PLCB1: variants seen among roughly 807,000 people sequenced by gnomAD.
PLCB1 encodes phospholipase C beta 1.
Under a neutral mutation model 161.8 loss-of-function variants are expected in PLCB1, and 46 were observed. The ratio of observed to expected loss-of-function variants is 0.28; its 90% CI spans 0.22 to 0.36. The LOEUF (loss-of-function observed/expected upper bound fraction) is 0.36. Among genes scored for constraint, PLCB1 ranks in the 10% least tolerant of loss-of-function variants. The probability of loss-of-function intolerance (pLI) is 1.00; values close to 1 mark genes in which losing one functional copy is unlikely to be tolerated. For synonymous variants in PLCB1, 517 were observed against 503.7 expected, an observed-to-expected ratio of 1.03 and a Z score of -0.35; for missense variants, 1,016 against 1,472.5, an observed-to-expected ratio of 0.69 and a Z score of 5.07.
At chr20:8,332,509 G>T (rs536225827) in intron 2 of PLCB1, among the ~76,000 whole-genome samples, 2 of 152,310 alleles carry the variant, frequency 1.3e-5, no homozygotes, top group South Asian at 2.1e-4. Flanking sequence ...TATTTTAAGT[G>T]CTTTCCATGT....
intron 31 of PLCB1, among the ~76,000 whole-genome samples, chr20:8,819,445 G>A (rs940612194): frequency 6.6e-6 from 1 of 151,912 alleles, no homozygotes; most frequent in African/African-American, 2.4e-5. Flanking sequence ...TGTGCATTTG[G>A]GAAAAGGAAG....
At chr20:8,324,885 A>G (rs1985083607) in intron 2 of PLCB1, among the ~76,000 whole-genome samples, 1 of 152,228 alleles carries the variant, frequency 6.6e-6, no homozygotes, top group South Asian at 2.1e-4. Flanking sequence ...AGTTCTGGGT[A>G]TTTGAAAGAG....
At chr20:8,188,058 A>G (rs2051925459) in intron 2 of PLCB1, among the ~76,000 whole-genome samples, 1 of 152,078 alleles carries the variant, frequency 6.6e-6, no homozygotes, top group Non-Finnish European at 1.5e-5. Flanking sequence ...CTGGGCTCAC[A>G]TAAGCTTCAC....
Position 8,714,417 on chromosome 20 carries a change from G to A in PLCB1, c.1251-1847G>A, listed in dbSNP as rs184259167. Among the ~76,000 whole-genome samples, 3 of 152,260 alleles carry A rather than the reference G, an allele frequency of 2.0e-5. No individual in the cohort carries two copies. In the East Asian group the frequency reaches 5.8e-4, roughly 29 times the overall value. Reference sequence around the variant, plus strand: ...AGCAGCCACAGAGCAGGCTGACCTGGTAGAACCCCTGTGCAAGTTATCACT... The same window carrying A: ...AGCAGCCACAGAGCAGGCTGACCTGATAGAACCCCTGTGCAAGTTATCACT... On this transcript the variant is annotated intron_variant, in intron 12 of 31. Coordinates refer to ENST00000338037, the MANE Select transcript of PLCB1 (RefSeq NM_015192.4).
rs147362446 is a variant in PLCB1 at position 8,698,111 on chromosome 20, A to G, written c.1167+328A>G. 5.9e-3 allele frequency among the ~76,000 whole-genome samples: 892 copies of G among 152,342 alleles called. 11 individuals carry two copies. The highest frequency in any genetic ancestry group is 5.9e-3 in the Non-Finnish European group (398 of 68,020). On this transcript the variant is annotated intron_variant, in intron 11 of 31. Coordinates refer to ENST00000338037, the MANE Select transcript of PLCB1 (RefSeq NM_015192.4). ...TAAAGAATACAGACAACTTATTTCTATGCTTTAACTAATGGCTATAAAGTA... is the reference window on the plus strand; with the variant it reads ...TAAAGAATACAGACAACTTATTTCTGTGCTTTAACTAATGGCTATAAAGTA...
intron 31 of PLCB1, among the ~76,000 whole-genome samples, chr20:8,841,195 T>A (rs1056853446): frequency 4.6e-5 from 7 of 152,100 alleles, no homozygotes; most frequent in Admixed American, 4.6e-4. Context: ...TTAAAAAAAA[T>A]AAGTCATCAC....
At chr20:8,196,049 A>T (rs1405496941) in intron 2 of PLCB1, among the ~76,000 whole-genome samples, 1 of 151,998 alleles carries the variant, frequency 6.6e-6, no homozygotes, top group Non-Finnish European at 1.5e-5. Context: ...CTCCTTTTAA[A>T]ACTACAAAAT....
chr20:8,276,963 T>G, intron 2 of PLCB1, among the ~76,000 whole-genome samples: 1 of 129,240 alleles, frequency 7.7e-6, no homozygotes, highest in African/African-American at 3.1e-5. Flanking sequence ...CTTCTTCTTC[T>G]TCTTCTTCTT....
chr20:8,309,388 C>T (rs186497874), intron 2 of PLCB1, among the ~76,000 whole-genome samples: 18 of 152,176 alleles, frequency 1.2e-4, no homozygotes, highest in South Asian at 1.0e-3. Context: ...ATTCCTATGC[C>T]GCTGTAATGG....
At chr20:8,546,311 C>T (rs1313402766) in intron 3 of PLCB1, among the ~76,000 whole-genome samples, 15 of 78,154 alleles carry the variant, frequency 1.9e-4, no homozygotes, top group African/African-American at 8.9e-4. Flanking sequence ...AAGACTCTAT[C>T]TCAAAAAAAA....
At chr20:8,398,178 C>G (rs1337081538) in intron 3 of PLCB1, among the ~76,000 whole-genome samples, 2 of 152,056 alleles carry the variant, frequency 1.3e-5, no homozygotes, top group African/African-American at 4.8e-5. Flanking sequence ...ATGCATGAAA[C>G]TAAGCCTCCT....
At chr20:8,852,959 C>T (rs1986940509) in intron 31 of PLCB1, among the ~76,000 whole-genome samples, 1 of 152,124 alleles carries the variant, frequency 6.6e-6, no homozygotes, top group Admixed American at 6.6e-5. Flanking sequence ...TGTGGCAGCC[C>T]CCATATCCAT....
At chr20:8,523,935 G>A (rs112054377) in intron 3 of PLCB1, among the ~76,000 whole-genome samples, 6 of 151,928 alleles carry the variant, frequency 3.9e-5, no homozygotes, top group African/African-American at 9.7e-5. Flanking sequence ...TCAACTGGGC[G>A]GAGTTAATAC....
At chr20:8,683,889 C>CTT (rs1239872010) in intron 9 of PLCB1, among the ~76,000 whole-genome samples, 1 of 145,460 alleles carries the variant, frequency 6.9e-6, no homozygotes. Flanking sequence ...TTGAAAACAC[C>CTT]TTTTTTTTTT....
chr20:8,812,134 T>C (rs1057277231), intron 31 of PLCB1, among the ~76,000 whole-genome samples: 5 of 152,154 alleles, frequency 3.3e-5, no homozygotes, highest in African/African-American at 4.8e-5. Flanking sequence ...CCTTGCTTGC[T>C]ATATACCCAA....
At chr20:8,701,709 G>A (rs1978366157) in intron 11 of PLCB1, among the ~76,000 whole-genome samples, 1 of 152,258 alleles carries the variant, frequency 6.6e-6, no homozygotes, top group South Asian at 2.1e-4. Flanking sequence ...AGCAGAACCT[G>A]ACATATAGTA....
intron 2 of PLCB1, among the ~76,000 whole-genome samples, chr20:8,194,701 T>C (rs2052004366): frequency 6.6e-6 from 1 of 152,126 alleles, no homozygotes; most frequent in African/African-American, 2.4e-5. Flanking sequence ...ATTTTCAGTC[T>C]GACATCTGTT....
At chr20:8,488,013 A>G (rs1401407626) in intron 3 of PLCB1, among the ~76,000 whole-genome samples, 2 of 152,168 alleles carry the variant, frequency 1.3e-5, no homozygotes, top group African/African-American at 4.8e-5. Context: ...AAAGTCATTA[A>G]ATCTAGAAAG....
intron 2 of PLCB1, among the ~76,000 whole-genome samples, chr20:8,271,987 G>A (rs1482112843): frequency 4.6e-5 from 7 of 152,098 alleles, no homozygotes; most frequent in Non-Finnish European, 1.0e-4. Context: ...AGTTTGATAT[G>A]TACGTTTGTG....
Sources: gnomAD v4.1 joint callset for allele counts (sites outside exome capture counted in the v4.1 genomes callset) on GRCh38, gnomAD v4.1.1 for gene constraint, MANE v1.5 for transcripts, NCBI Gene and HGNC (gene_info 2026-07-23, HGNC 2026-07-21) for gene names.